Variants in ARHGAP15 observed in about 807,000 individuals in gnomAD.
ARHGAP15 encodes the protein Rho GTPase activating protein 15.
A neutral mutation model predicts 63.7 loss-of-function variants in ARHGAP15; 51 were observed. The observed-to-expected ratio is 0.80, with a 90% confidence interval of 0.64 to 1.01. ARHGAP15 has a LOEUF of 1.01. Among genes scored for constraint, ARHGAP15 ranks in the 50% least tolerant of loss-of-function variants. The probability of loss-of-function intolerance (pLI) is 0.00; values close to 1 mark genes in which losing one functional copy is unlikely to be tolerated. For missense variants in ARHGAP15, 560 were observed against 564.6 expected (o/e 0.99, Z 0.08); for synonymous variants, 191 against 193.8 (o/e 0.99, Z 0.12).
At chr2:143,703,968 G>A (rs1684209818) in intron 13 of ARHGAP15, 1 of 149,082 alleles carries the variant, frequency 6.7e-6, no homozygotes, top group South Asian at 2.1e-4. Context: ...AGATTGATAA[G>A]GTGCTATCCA....
At position 143,187,568 on chromosome 2, in the gene ARHGAP15, C is replaced by T. The variant is rs143220520; in HGVS notation, c.166-14566C>T. On this transcript the variant is annotated intron_variant, in intron 2 of 13. Coordinates refer to ENST00000295095, the MANE Select transcript of ARHGAP15 (RefSeq NM_018460.4). The stretch of plus-strand genomic sequence containing the variant: ...CTCTAGGAAATAGGAGCTATTATTG[C>T]CTCCATCTTGTAGATGAGGAGACTG... Among the ~76,000 whole-genome samples the T allele has an allele frequency of 7.5e-4, 114 of 152,284 alleles. 1 individual carries two copies. In the Middle Eastern group the frequency reaches 0.014, roughly 18 times the overall value.
intron 6 of ARHGAP15, among the ~76,000 whole-genome samples, chr2:143,329,251 T>G (rs1224548149): frequency 3.3e-5 from 5 of 152,206 alleles, no homozygotes; most frequent in African/African-American, 1.2e-4. Context: ...ATTTTGAAAA[T>G]GCAGTTAAGG....
At chr2:143,191,011 C>T (rs140003171) in intron 2 of ARHGAP15, among the ~76,000 whole-genome samples, 109 of 152,296 alleles carry the variant, frequency 7.2e-4, no homozygotes, top group African/African-American at 2.5e-3. Flanking sequence ...CCTCATGATC[C>T]GCCCGCCTGG....
At chr2:143,302,945 C>T (rs1053646068) in intron 6 of ARHGAP15, among the ~76,000 whole-genome samples, 2 of 152,052 alleles carry the variant, frequency 1.3e-5, no homozygotes, top group African/African-American at 4.8e-5. Flanking sequence ...TGCACATTCA[C>T]AGGCTACTAG....
At chr2:143,474,817 A>T (rs1380056758) in intron 8 of ARHGAP15, among the ~76,000 whole-genome samples, 1 of 152,228 alleles carries the variant, frequency 6.6e-6, no homozygotes, top group Non-Finnish European at 1.5e-5. Flanking sequence ...GAATGGGGTT[A>T]TCTGACGGTC....
intron 6 of ARHGAP15, among the ~76,000 whole-genome samples, chr2:143,413,143 T>C (rs1688511984): frequency 6.6e-6 from 1 of 152,238 alleles, no homozygotes; most frequent in Non-Finnish European, 1.5e-5. Flanking sequence ...TGTAAGACAT[T>C]ACATATTAAA....
chr2:143,202,409 G>C (rs1172753184), intron 3 of ARHGAP15, among the ~76,000 whole-genome samples: 1 of 152,092 alleles, frequency 6.6e-6, no homozygotes, highest in Non-Finnish European at 1.5e-5. Context: ...TTGAAGGCTT[G>C]ACTGGGGAAG....
intron 2 of ARHGAP15, among the ~76,000 whole-genome samples, chr2:143,201,124 T>A (rs762708974): frequency 2.0e-5 from 3 of 151,898 alleles, no homozygotes; most frequent in Non-Finnish European, 2.9e-5. Context: ...TTTTATTTTT[T>A]TTTAGAGTGG....
intron 6 of ARHGAP15, among the ~76,000 whole-genome samples, chr2:143,400,439 T>C (rs1687940337): frequency 6.6e-6 from 1 of 151,986 alleles, no homozygotes; most frequent in Non-Finnish European, 1.5e-5. Context: ...CCCTGTATCT[T>C]TTCACCAGAG....
At chr2:143,553,242 C>A (rs772161097) in intron 10 of ARHGAP15, among the ~76,000 whole-genome samples, 2 of 152,110 alleles carry the variant, frequency 1.3e-5, no homozygotes, top group Admixed American at 1.3e-4. Context: ...AAATGTAATA[C>A]CCTCCTTTTT....
intron 11 of ARHGAP15, among the ~76,000 whole-genome samples, chr2:143,561,664 C>T (rs1433195878): frequency 2.6e-5 from 4 of 151,582 alleles, no homozygotes; most frequent in East Asian, 1.9e-4. Context: ...TACAGGTGCC[C>T]GCCACCAAGC....
chr2:143,567,073 T>C (rs1241471032), intron 11 of ARHGAP15, among the ~76,000 whole-genome samples: 17 of 151,986 alleles, frequency 1.1e-4, no homozygotes, highest in Non-Finnish European at 2.2e-4. Context: ...GAAGGGGTTT[T>C]GCCGTGTTAG....
At chr2:143,177,520 C>T (rs995278412) in intron 2 of ARHGAP15, among the ~76,000 whole-genome samples, 1 of 152,208 alleles carries the variant, frequency 6.6e-6, no homozygotes, top group South Asian at 2.1e-4. Context: ...CTTTCACTTT[C>T]GATTGCATAC....
chr2:143,336,160 C>T (rs1008668566), intron 6 of ARHGAP15, among the ~76,000 whole-genome samples: 8 of 152,134 alleles, frequency 5.3e-5, no homozygotes, highest in Middle Eastern at 3.4e-3. Flanking sequence ...AGCAGCACAC[C>T]GCCACACCTG....
chr2:143,388,830 C>T (rs984764582), intron 6 of ARHGAP15, among the ~76,000 whole-genome samples: 7 of 151,968 alleles, frequency 4.6e-5, no homozygotes, highest in Non-Finnish European at 8.8e-5. Context: ...AAGGCCAGTG[C>T]CATTTTGTAA....
chr2:143,187,889 A>G (rs1383680618), intron 2 of ARHGAP15, among the ~76,000 whole-genome samples: 1 of 152,210 alleles, frequency 6.6e-6, no homozygotes, highest in East Asian at 1.9e-4. Context: ...AAAATGATAC[A>G]TTACATTGTA....
chr2:143,267,687 A>G (rs1341076143), intron 6 of ARHGAP15, among the ~76,000 whole-genome samples: 1 of 152,180 alleles, frequency 6.6e-6, no homozygotes, highest in East Asian at 1.9e-4. Context: ...ATGAATTGGT[A>G]TTCTATTCAC....
intron 1 of ARHGAP15, among the ~76,000 whole-genome samples, chr2:143,149,457 A>C (rs1689726964): frequency 6.6e-6 from 1 of 152,002 alleles, no homozygotes; most frequent in African/African-American, 2.4e-5. Flanking sequence ...TCAAGTACCT[A>C]TCCAAATCTG....
chr2:143,372,075 C>G (rs1686584589), intron 6 of ARHGAP15, among the ~76,000 whole-genome samples: 1 of 151,870 alleles, frequency 6.6e-6, no homozygotes, highest in African/African-American at 2.4e-5. Context: ...CACAGTGACT[C>G]ACACCTGTAA....
Sources: gnomAD v4.1 joint callset for allele counts (sites outside exome capture counted in the v4.1 genomes callset) on GRCh38, gnomAD v4.1.1 for gene constraint, MANE v1.5 for transcripts, NCBI Gene and HGNC (gene_info 2026-07-23, HGNC 2026-07-21) for gene names.